Variants in CACNA2D2 observed in about 807,000 individuals in gnomAD.
CACNA2D2 encodes calcium voltage-gated channel auxiliary subunit alpha2delta 2.
In CACNA2D2, 48 loss-of-function variants were observed where a neutral mutation model predicts 166.4. The observed-to-expected ratio is 0.29, with a 90% CI of 0.23 to 0.37. The LOEUF is 0.37. Ranked by LOEUF, CACNA2D2 falls within the 10% of genes least tolerant of loss-of-function variation. CACNA2D2 has a pLI of 1.00. For missense variants in CACNA2D2, 1,122 were observed against 1,433.0 expected, an observed-to-expected ratio of 0.78 and a Z score of 3.50; for synonymous variants, 561 against 573.7, an observed-to-expected ratio of 0.98 and a Z score of 0.32.
intron 5 of CACNA2D2, among the ~76,000 whole-genome samples, chr3:50,385,265 G>A (rs1334838472): frequency 6.6e-6 from 1 of 152,016 alleles, no homozygotes; most frequent in Admixed American, 6.6e-5. Context: ...AAAGAAGGAG[G>A]CTAAGGGTGG....
At position 50,388,083 on chromosome 3, in the gene CACNA2D2, T is replaced by C. The variant is rs587722582; in HGVS notation, c.466-471A>G. Reference sequence around the variant, plus strand: ...TAATTATCTGTGATTTGTTGTGAAATGCGAGGGGGTTTCCACAACAGGAGT... The same window carrying C: ...TAATTATCTGTGATTTGTTGTGAAACGCGAGGGGGTTTCCACAACAGGAGT... On this transcript the variant is annotated intron_variant, in intron 4 of 37. Coordinates refer to ENST00000424201, the MANE Select transcript of CACNA2D2 (RefSeq NM_006030.4). 4.6e-5 allele frequency among the ~76,000 whole-genome samples: 7 copies of C among 152,266 alleles called. No individual in the cohort carries two copies. In the East Asian group the frequency reaches 9.7e-4, roughly 21 times the overall value.
intron 2 of CACNA2D2, among the ~76,000 whole-genome samples, chr3:50,442,065 C>T (rs1006486686): frequency 3.3e-5 from 5 of 152,244 alleles, no homozygotes; most frequent in African/African-American, 4.8e-5. Context: ...TAACAGCATT[C>T]CTATGGCCGT....
At chr3:50,462,617 G>A (rs999792320) in intron 2 of CACNA2D2, among the ~76,000 whole-genome samples, 4 of 151,852 alleles carry the variant, frequency 2.6e-5, no homozygotes, top group South Asian at 2.1e-4. Context: ...GGCTGGGGGA[G>A]GGGTGCAAAG....
intron 2 of CACNA2D2, among the ~76,000 whole-genome samples, chr3:50,442,661 G>A (rs990772133): frequency 1.3e-5 from 2 of 152,176 alleles, no homozygotes; most frequent in South Asian, 4.1e-4. Context: ...CAGGGCCCAT[G>A]GGGCACTGGC....
intron 3 of CACNA2D2, among the ~76,000 whole-genome samples, chr3:50,428,391 A>T (rs185531791): frequency 6.6e-6 from 1 of 152,238 alleles, no homozygotes; most frequent in East Asian, 1.9e-4. Flanking sequence ...GCTGCCCCAC[A>T]GTCCCTGACT....
chr3:50,493,355 G>A (rs560986541), intron 1 of CACNA2D2, among the ~76,000 whole-genome samples: 3 of 152,246 alleles, frequency 2.0e-5, no homozygotes, highest in African/African-American at 7.2e-5. Flanking sequence ...TGAGATGTGA[G>A]AGGAAGTCGG....
intron 3 of CACNA2D2, among the ~76,000 whole-genome samples, chr3:50,397,692 C>T (rs1334716035): frequency 6.6e-6 from 1 of 152,224 alleles, no homozygotes; most frequent in Non-Finnish European, 1.5e-5. Context: ...CAGCCAGTCC[C>T]GTGAGGTTTC....
At chr3:50,387,698 C>G in intron 4 of CACNA2D2, 86 bp from the exon 5 acceptor site, 1 of 1,023,788 alleles carries the variant, frequency 9.8e-7, no homozygotes, top group Non-Finnish European at 1.5e-6. Context: ...GCATGGCACC[C>G]TTAGATTCCT....
At chr3:50,395,825 T>C (rs548168066) in intron 3 of CACNA2D2, among the ~76,000 whole-genome samples, 4 of 152,286 alleles carry the variant, frequency 2.6e-5, no homozygotes, top group African/African-American at 9.6e-5. Context: ...TTGGGCTGGC[T>C]ACCCCTCCTC....
At chr3:50,464,694 T>G (rs1709750569) in intron 2 of CACNA2D2, among the ~76,000 whole-genome samples, 1 of 152,192 alleles carries the variant, frequency 6.6e-6, no homozygotes, top group African/African-American at 2.4e-5. Flanking sequence ...CCTAGAAGGC[T>G]CCAGACCTGC....
intron 5 of CACNA2D2, among the ~76,000 whole-genome samples, chr3:50,385,510 G>A (rs938037931): frequency 1.3e-5 from 2 of 152,230 alleles, no homozygotes; most frequent in African/African-American, 2.4e-5. Context: ...GTCTTGTCTG[G>A]GGAAAGGGTG....
Position 50,379,197 on chromosome 3 carries a change from G to A in CACNA2D2, c.1155C>T (p.Ser385=), listed in dbSNP as rs763353950. The change falls in exon 12 of 38, where the codon TCC becomes TCT. Residue 385 remains serine, a splice_region_variant and synonymous_variant. Transcript: ENST00000424201. This position sits in a 1 kb window ranked among gnomAD's most constrained non-coding sequence, Gnocchi z 6.5. The part of the protein sequence containing the change: ...FEYAFDQLQN[S]NITRANCNKM... ...TGTTGCAGTTGGCCCGAGTGATGTT[G>A]GACTGAGGGGAGTGAGGCGGAGGCA... is the stretch of plus-strand genomic sequence containing the variant. 6 of 1,612,392 alleles carry A rather than the reference G, an allele frequency of 3.7e-6. No homozygotes were observed. The highest frequency in any genetic ancestry group is 4.2e-6 in the Non-Finnish European group (5 of 1,178,678).
At position 50,364,385 on chromosome 3, in the gene CACNA2D2, C is replaced by T. The variant is rs1704094606; in HGVS notation, c.*281G>A. 2 of 426,070 alleles carry T rather than the reference C, an allele frequency of 4.7e-6. No homozygotes were observed. Among genetic ancestry groups the T allele is most frequent in the Non-Finnish European group, 8.3e-6 (2 of 241,096 alleles). The allele number at this position is 426,070 out of a possible 1,614,324, so 26.4% of individuals were successfully genotyped here. The stretch of plus-strand genomic sequence containing the variant: ...CTGGTTTTGGCACCAGTGCGTGTGG[C>T]CTCCCTGTCCCATCCCACTGGGGGG... On this transcript the variant is annotated 3_prime_UTR_variant, in exon 38 of 38. Coordinates refer to ENST00000424201, the MANE Select transcript of CACNA2D2 (RefSeq NM_006030.4).
At chr3:50,464,500 G>A (rs571016230) in intron 2 of CACNA2D2, among the ~76,000 whole-genome samples, 10 of 152,332 alleles carry the variant, frequency 6.6e-5, no homozygotes, top group Admixed American at 2.6e-4. Flanking sequence ...TGTTCAATGA[G>A]GGAACCTATC....
intron 2 of CACNA2D2, among the ~76,000 whole-genome samples, chr3:50,463,100 C>G (rs574887887): frequency 1.7e-4 from 26 of 152,232 alleles, no homozygotes; most frequent in Middle Eastern, 6.8e-3. Flanking sequence ...ATTCCCTGAT[C>G]AACTGGGTAC....
At chr3:50,422,964 C>G (rs1707646081) in intron 3 of CACNA2D2, among the ~76,000 whole-genome samples, 1 of 152,234 alleles carries the variant, frequency 6.6e-6, no homozygotes, top group South Asian at 2.1e-4. Flanking sequence ...GCAGCGTTGG[C>G]TGAAGTGAAA....
In CACNA2D2 at chr3:50,379,007, G is replaced by C. The variant is rs376124541; in HGVS notation, c.1261-14C>G. 1 of 1,613,914 alleles carries C rather than the reference G, an allele frequency of 6.2e-7. No homozygotes were observed. The highest frequency in any genetic ancestry group is 1.7e-5 in the Admixed American group (1 of 60,018). Reference sequence around the variant, plus strand: ...AAACACGCGCACCTGTGGGGGGTTTGAGGTTACTGCTGTGGCCACCAGGGG... The same window carrying C: ...AAACACGCGCACCTGTGGGGGGTTTCAGGTTACTGCTGTGGCCACCAGGGG... On this transcript the variant is annotated splice_polypyrimidine_tract_variant and intron_variant, in intron 12 of 37. Coordinates refer to ENST00000424201, the MANE Select transcript of CACNA2D2 (RefSeq NM_006030.4). The surrounding 1 kb of genome is among the most constrained non-coding windows in gnomAD (Gnocchi z 6.5).
At chr3:50,422,375 A>G (rs1254377478) in intron 3 of CACNA2D2, among the ~76,000 whole-genome samples, 1 of 152,192 alleles carries the variant, frequency 6.6e-6, no homozygotes, top group South Asian at 2.1e-4. Flanking sequence ...CCTTTGTCAG[A>G]ATGCTCCTCC....
intron 3 of CACNA2D2, among the ~76,000 whole-genome samples, chr3:50,405,865 A>G (rs1424574509): frequency 1.3e-5 from 2 of 152,200 alleles, no homozygotes; most frequent in Admixed American, 6.5e-5. Context: ...GCCTGTTTGT[A>G]GCTTTTGCAT....
Sources: allele counts gnomAD v4.1 joint callset (sites outside exome capture counted in the v4.1 genomes callset), GRCh38; gene constraint gnomAD v4.1.1; non-coding constraint Gnocchi (gnomAD v3.1); transcripts MANE v1.5; gene names NCBI Gene and HGNC (gene_info 2026-07-23, HGNC 2026-07-21).